SHROOM3: variants seen among roughly 807,000 people sequenced by gnomAD.
SHROOM3 encodes protein Shroom3.
SHROOM3 carries 47 observed loss-of-function variants against 138.6 expected under a neutral mutation model. The observed-to-expected ratio is 0.34, with a 90% CI of 0.27 to 0.43. The LOEUF is 0.43. Among genes scored for constraint, SHROOM3 ranks in the 20% least tolerant of loss-of-function variants. SHROOM3 has a pLI of 1.00. For synonymous variants in SHROOM3, 1,062 were observed against 1,063.3 expected, an observed-to-expected ratio of 1.00 and a Z score of 0.02; for missense variants, 2,491 against 2,596.5, an observed-to-expected ratio of 0.96 and a Z score of 0.88.
At chr4:76,641,653 A>G (rs1207510165) in intron 2 of SHROOM3, among the ~76,000 whole-genome samples, 3 of 152,122 alleles carry the variant, frequency 2.0e-5, no homozygotes, top group Non-Finnish European at 4.4e-5. Context: ...TCGGAGCTCC[A>G]CCTTCCTTCA....
chr4:76,688,728 T>C (rs1333276275), intron 2 of SHROOM3: 47 of 985,258 alleles, frequency 4.8e-5, no homozygotes, highest in Non-Finnish European at 5.3e-5. Context: ...AATGGATATA[T>C]TTTCTAAAAT....
chr4:76,452,827 C>T (rs1243092313), intron 1 of SHROOM3, among the ~76,000 whole-genome samples: 2 of 152,198 alleles, frequency 1.3e-5, no homozygotes, highest in African/African-American at 2.4e-5. Context: ...AAGCAATTCT[C>T]CTGCCTCAGC....
At chr4:76,540,056 C>G (rs961515086) in intron 1 of SHROOM3, among the ~76,000 whole-genome samples, 1 of 152,206 alleles carries the variant, frequency 6.6e-6, no homozygotes, top group Admixed American at 6.5e-5. Flanking sequence ...CCATGTTGGC[C>G]TGGCTGGTCT....
rs1322928453 is a variant in SHROOM3, at chr4:76,608,648, TAGCATAGCATAGCATAGCAC to T, written c.323+52895_323+52914del. 4.2e-3 allele frequency among the ~76,000 whole-genome samples: 84 copies of T among 20,102 alleles called. 2 individuals carry two copies. Among genetic ancestry groups the T allele is most frequent in the Middle Eastern group, 0.11 (2 of 18 alleles). 13.2% of individuals were successfully genotyped at this position (20,102 alleles called of 152,430 possible). ...TGGTATAGCATAGCATAGCATAGCA[TAGCATAGCATAGCATAGCAC>T]AGCATAGCACAGCACAGCACAGCAC... On this transcript the variant is annotated intron_variant, in intron 2 of 10. Transcript: ENST00000296043.
At chr4:76,568,379 G>A (rs141393252) in intron 2 of SHROOM3, among the ~76,000 whole-genome samples, 126 of 152,224 alleles carry the variant, frequency 8.3e-4, no homozygotes, top group African/African-American at 2.8e-3. Context: ...ATCAAATAGC[G>A]TTAGTTATTT....
At chr4:76,721,310 CAA>C (rs539572222) in intron 3 of SHROOM3, among the ~76,000 whole-genome samples, 3 of 112,806 alleles carry the variant, frequency 2.7e-5, no homozygotes, top group Non-Finnish European at 3.8e-5. Context: ...GACTCCGTCT[CAA>C]AAAAAAAAAA....
intron 1 of SHROOM3, among the ~76,000 whole-genome samples, chr4:76,508,718 T>A (rs1277125704): frequency 1.3e-5 from 2 of 152,196 alleles, no homozygotes; most frequent in African/African-American, 4.8e-5. Context: ...TCTTTTAAAT[T>A]TTCTTTCAAC....
In SHROOM3 at chr4:76,667,966, CAAAAA is replaced by C. The variant is rs747974205; in HGVS notation, c.324-42168_324-42164del. On this transcript the variant is annotated intron_variant, in intron 2 of 10. Coordinates refer to ENST00000296043, the MANE Select transcript of SHROOM3 (RefSeq NM_020859.4). ...TGGGCGACAGAAGGAGACTCCCTCT[CAAAAA>C]AAAAAAAAAAAAAAAAAAAAAGTTG... is the stretch of plus-strand genomic sequence containing the variant. Among the ~76,000 whole-genome samples the C allele has an allele frequency of 3.9e-3, 243 of 62,558 alleles. 5 individuals carry two copies. The highest frequency in any genetic ancestry group is 0.015 in the East Asian group (32 of 2,106). The allele number at this position is 62,558 out of a possible 152,430, so 41.0% of individuals were successfully genotyped here.
In SHROOM3 at chr4:76,741,478, C is replaced by A; in HGVS notation, c.3305C>A (p.Ala1102Asp). Residue 1102 changes from alanine to aspartate, a missense_variant, in exon 5 of 11, where the codon GCC becomes GAC. Ala to Asp is a moderately radical substitution (Grantham distance 126, BLOSUM62 -2). Coordinates refer to ENST00000296043, the MANE Select transcript of SHROOM3 (RefSeq NM_020859.4). The surrounding 1 kb of genome is among the most constrained non-coding windows in gnomAD (Gnocchi z 6.2). ...RKTGKRPTSA[A>D]GCSLQEPGPL... is the part of the protein sequence containing the mutation. ...ACCGGCAAGCGGCCTACCTCCGCCG[C>A]CGGCTGCAGCCTCCAGGAGCCCGGG... The A allele has an allele frequency of 6.4e-7, 1 of 1,559,836 alleles. No homozygotes were observed. Among genetic ancestry groups the A allele is most frequent in the Non-Finnish European group, 8.6e-7 (1 of 1,156,568 alleles).
At chr4:76,732,859 C>T (rs1300773152) in intron 4 of SHROOM3, among the ~76,000 whole-genome samples, 2 of 152,190 alleles carry the variant, frequency 1.3e-5, no homozygotes, top group Non-Finnish European at 2.9e-5. Flanking sequence ...CTAGTACCTA[C>T]ATCATTGGAT....
intron 2 of SHROOM3, chr4:76,638,701 T>A (rs367613526): frequency 2.4e-4 from 37 of 152,236 alleles, no homozygotes; most frequent in African/African-American, 7.5e-4. Flanking sequence ...TATTTTTTCC[T>A]GTGCCTTTAT....
intron 2 of SHROOM3, among the ~76,000 whole-genome samples, chr4:76,652,796 A>AGT (rs955280004): frequency 1.3e-4 from 20 of 151,498 alleles, no homozygotes; most frequent in African/African-American, 4.6e-4. Flanking sequence ...GGTGTGTATA[A>AGT]GTGTGTGTGT....
chr4:76,494,340 G>C (rs1053000360), intron 1 of SHROOM3, among the ~76,000 whole-genome samples: 1 of 152,158 alleles, frequency 6.6e-6, no homozygotes. Flanking sequence ...AATTGCACTA[G>C]GGTTTTACCC....
intron 1 of SHROOM3, among the ~76,000 whole-genome samples, chr4:76,507,696 G>T (rs1732242194): frequency 6.6e-6 from 1 of 151,834 alleles, no homozygotes; most frequent in Non-Finnish European, 1.5e-5. Flanking sequence ...CCGCCACCAT[G>T]CCTGGCCTGG....
At chr4:76,556,454 A>G (rs1336146976) in intron 2 of SHROOM3, among the ~76,000 whole-genome samples, 1 of 152,204 alleles carries the variant, frequency 6.6e-6, no homozygotes, top group Non-Finnish European at 1.5e-5. Flanking sequence ...GCTAATCACT[A>G]TCCCCATTTT....
intron 1 of SHROOM3, among the ~76,000 whole-genome samples, chr4:76,495,256 CAGCTGTA>C (rs1164984980): frequency 6.6e-6 from 1 of 152,196 alleles, no homozygotes; most frequent in African/African-American, 2.4e-5. Flanking sequence ...TTGGTATCCC[CAGCTGTA>C]AGCTGTTGTA....
Position 76,741,300 on chromosome 4 carries a change from C to G in SHROOM3, c.3127C>G (p.Gln1043Glu), listed in dbSNP as rs377262844. Residue 1043 changes from glutamine (Q) to glutamate (E), a missense_variant, in exon 5 of 11, where the codon CAG becomes GAG. Coordinates refer to ENST00000296043, the MANE Select transcript of SHROOM3 (RefSeq NM_020859.4). This position sits in a 1 kb window ranked among gnomAD's most constrained non-coding sequence, Gnocchi z 6.2. ...EEAEPAPLGPQRNGMRFPESS... is the reference protein window; with the variant it reads ...EEAEPAPLGPERNGMRFPESS... ...GGCCGAACCGGCACCCCTGGGCCCG[C>G]AGAGAAATGGGATGCGTTTCCCGGA... is the stretch of plus-strand genomic sequence containing the variant. 11 of 1,612,066 alleles carry G rather than the reference C, an allele frequency of 6.8e-6. No individual in the cohort carries two copies. The highest frequency in any genetic ancestry group is 9.3e-6 in the Non-Finnish European group (11 of 1,179,666).
intron 2 of SHROOM3, among the ~76,000 whole-genome samples, chr4:76,584,271 T>G (rs1734106291): frequency 6.6e-6 from 1 of 151,812 alleles, no homozygotes; most frequent in Non-Finnish European, 1.5e-5. Context: ...TGAGCTGAGA[T>G]TGCACCACTG....
intron 1 of SHROOM3, among the ~76,000 whole-genome samples, chr4:76,466,547 G>T (rs767630220): frequency 6.6e-6 from 1 of 152,168 alleles, no homozygotes; most frequent in Non-Finnish European, 1.5e-5. Context: ...ACAAGTCACT[G>T]CCAACTCTGT....
Sources: allele counts gnomAD v4.1 joint callset (sites outside exome capture counted in the v4.1 genomes callset), GRCh38; gene constraint gnomAD v4.1.1; non-coding constraint Gnocchi (gnomAD v3.1); transcripts MANE v1.5; gene names NCBI Gene and HGNC (gene_info 2026-07-23, HGNC 2026-07-21).